MAGI2: variants seen among roughly 807,000 people sequenced by gnomAD.
MAGI2 encodes membrane-associated guanylate kinase, WW and PDZ domain-containing protein 2.
Under a neutral mutation model 133.3 loss-of-function variants are expected in MAGI2, and 35 were observed. The observed-to-expected ratio is 0.26, with a 90% CI of 0.20 to 0.35. MAGI2 has a LOEUF of 0.35. Ranked by LOEUF, MAGI2 falls within the 10% of genes least tolerant of loss-of-function variation. MAGI2 has a pLI of 1.00. For missense variants in MAGI2, 1,636 were observed against 1,863.4 expected (o/e 0.88, Z 2.25); for synonymous variants, 729 against 710.6 (o/e 1.03, Z -0.41).
At chr7:79,011,919 TCC>T (rs1808166055) in intron 1 of MAGI2, among the ~76,000 whole-genome samples, 2 of 137,120 alleles carry the variant, frequency 1.5e-5, no homozygotes, top group African/African-American at 2.8e-5. Flanking sequence ...CTTCCTTCCT[TCC>T]TTCCTTTCTT....
At chr7:78,725,661 T>C (rs1028062593) in intron 2 of MAGI2, among the ~76,000 whole-genome samples, 1 of 152,094 alleles carries the variant, frequency 6.6e-6, no homozygotes, top group African/African-American at 2.4e-5. Flanking sequence ...TAGCCGGGCG[T>C]GGTGGCAGGC....
chr7:79,264,832 A>G (rs1374404915), intron 1 of MAGI2, among the ~76,000 whole-genome samples: 1 of 151,950 alleles, frequency 6.6e-6, no homozygotes, highest in Non-Finnish European at 1.5e-5. Context: ...CAGAGGTCAC[A>G]TGGCAAGAGA....
At chr7:78,677,169 T>A (rs2151086644) in intron 2 of MAGI2, among the ~76,000 whole-genome samples, 1 of 152,198 alleles carries the variant, frequency 6.6e-6, no homozygotes, top group Admixed American at 6.5e-5. Flanking sequence ...TGGCCCAAAA[T>A]ATTATTTGCA....
chr7:78,789,507 C>A (rs1827097831), intron 2 of MAGI2, among the ~76,000 whole-genome samples: 2 of 150,754 alleles, frequency 1.3e-5, no homozygotes, highest in Admixed American at 1.3e-4. Context: ...AAGAGTAATT[C>A]TTTCCAGCTC....
At chr7:78,220,298 C>T (rs1480546021) in intron 10 of MAGI2, among the ~76,000 whole-genome samples, 2 of 152,214 alleles carry the variant, frequency 1.3e-5, no homozygotes, top group Non-Finnish European at 2.9e-5. Context: ...GCTGTCACCA[C>T]TCTTTCTCTT....
At chr7:78,500,136 G>GTAAT (rs1406867570) in intron 5 of MAGI2, among the ~76,000 whole-genome samples, 11 of 152,184 alleles carry the variant, frequency 7.2e-5, no homozygotes, top group Non-Finnish European at 1.5e-4. Context: ...AGAGCACTGA[G>GTAAT]TAATTACCTG....
intron 6 of MAGI2, among the ~76,000 whole-genome samples, chr7:78,468,598 A>AT (rs201097503): frequency 1.3e-5 from 2 of 152,064 alleles, no homozygotes; most frequent in South Asian, 4.1e-4. Context: ...TTAGAATATT[A>AT]TTTTTTTAAA....
intron 2 of MAGI2, among the ~76,000 whole-genome samples, chr7:78,719,496 GGAGT>G (rs1820048204): frequency 6.6e-6 from 1 of 152,292 alleles, no homozygotes; most frequent in East Asian, 1.9e-4. Flanking sequence ...TACTGAAAAA[GGAGT>G]GAGTGATAGA....
chr7:78,551,585 C>T (rs948823183), intron 3 of MAGI2, among the ~76,000 whole-genome samples: 11 of 152,186 alleles, frequency 7.2e-5, no homozygotes, highest in African/African-American at 2.4e-4. Flanking sequence ...CATGTCAACC[C>T]TGAGAGAAGA....
At chr7:78,337,576 A>G (rs1789903410) in intron 9 of MAGI2, among the ~76,000 whole-genome samples, 1 of 152,196 alleles carries the variant, frequency 6.6e-6, no homozygotes, top group Non-Finnish European at 1.5e-5. Flanking sequence ...AAATACTTTC[A>G]TGTTGATTTC....
In MAGI2 at chr7:78,654,174, G is replaced by C. The variant is rs1172539221; in HGVS notation, c.419-26935C>G. On this transcript the variant is annotated intron_variant, in intron 2 of 21. Transcript: ENST00000354212. The stretch of plus-strand genomic sequence containing the variant: ...ATGAATTCTTGAGACAGCTGCCTGG[G>C]TACAAACCCTGGCTCTATCACTTAC... 2.0e-5 allele frequency among the ~76,000 whole-genome samples: 3 copies of C among 152,240 alleles called. No individual in the cohort carries two copies. In the East Asian group the frequency reaches 5.8e-4, roughly 29 times the overall value.
chr7:78,065,397 A>G (rs986358696), intron 21 of MAGI2, among the ~76,000 whole-genome samples: 1 of 152,196 alleles, frequency 6.6e-6, no homozygotes, highest in African/African-American at 2.4e-5. Context: ...TCAAATTTTC[A>G]TGAATCTGCA....
Position 79,007,139 on chromosome 7 carries a change from A to G in MAGI2, c.369T>C (p.His123=). 1 of 1,611,640 alleles carries G rather than the reference A, an allele frequency of 6.2e-7. No homozygotes were observed. Residue 123 remains histidine (H), a synonymous_variant, in exon 2 of 22, where the codon CAT becomes CAC. Transcript: ENST00000354212. ...NLRFQKGSVD[H]ELQQIIRDNL... ...TGTCACGAATGATTTGCTGAAGCTCATGGTCCACAGAACCCTTTTGAAATC... is the reference window on the plus strand; with the variant it reads ...TGTCACGAATGATTTGCTGAAGCTCGTGGTCCACAGAACCCTTTTGAAATC...
chr7:79,285,197 AAATT>A (rs1409357992), intron 1 of MAGI2, among the ~76,000 whole-genome samples: 2 of 152,112 alleles, frequency 1.3e-5, no homozygotes, highest in African/African-American at 4.8e-5. Context: ...TGCATTAAAC[AAATT>A]AAAGTCCCAG....
intron 2 of MAGI2, among the ~76,000 whole-genome samples, chr7:78,867,708 G>C (rs1393462916): frequency 6.6e-6 from 1 of 151,634 alleles, no homozygotes; most frequent in African/African-American, 2.4e-5. Flanking sequence ...AAGAAAGAAA[G>C]AAAGAAAGAA....
intron 16 of MAGI2, among the ~76,000 whole-genome samples, chr7:78,147,683 A>G (rs902403305): frequency 2.0e-5 from 3 of 152,182 alleles, no homozygotes; most frequent in Middle Eastern, 3.2e-3. Flanking sequence ...TGCAGATGGA[A>G]AAAAGCACAC....
intron 9 of MAGI2, among the ~76,000 whole-genome samples, chr7:78,285,008 G>A (rs1449517438): frequency 6.6e-6 from 1 of 152,136 alleles, no homozygotes; most frequent in Non-Finnish European, 1.5e-5. Context: ...GGATAAATAA[G>A]GGCTGGTCAA....
intron 3 of MAGI2, among the ~76,000 whole-genome samples, chr7:78,537,057 T>C (rs1393339077): frequency 5.3e-5 from 8 of 152,072 alleles, no homozygotes; most frequent in African/African-American, 1.9e-4. Flanking sequence ...GAACATACAA[T>C]GTTTAGTTTT....
chr7:78,652,526 G>C (rs932955790), intron 2 of MAGI2, among the ~76,000 whole-genome samples: 3 of 152,032 alleles, frequency 2.0e-5, no homozygotes, highest in African/African-American at 7.2e-5. Context: ...ATGGGGAAAG[G>C]GTTTCCTATT....
Sources: gnomAD v4.1 joint callset for allele counts (sites outside exome capture counted in the v4.1 genomes callset) on GRCh38, gnomAD v4.1.1 for gene constraint, MANE v1.5 for transcripts, NCBI Gene and HGNC (gene_info 2026-07-23, HGNC 2026-07-21) for gene names.